SLCO1C1: variants seen among roughly 807,000 people sequenced by gnomAD.
SLCO1C1 encodes the protein solute carrier organic anion transporter family member 1C1.
In SLCO1C1, 70 loss-of-function variants were observed where a neutral mutation model predicts 76.4. The ratio of observed to expected loss-of-function variants is 0.92; its 90% CI spans 0.76 to 1.12. SLCO1C1 has a LOEUF of 1.12. Ranked by LOEUF, SLCO1C1 falls within the 50% of genes most tolerant of loss-of-function variation. The pLI is 0.00. For synonymous variants in SLCO1C1, 306 were observed against 286.1 expected (o/e 1.07, Z -0.70); for missense variants, 912 against 823.8 (o/e 1.11, Z -1.31).
chr12:20,738,075 GTC>G (rs1371668776), intron 11 of SLCO1C1, among the ~76,000 whole-genome samples: 1 of 151,934 alleles, frequency 6.6e-6, no homozygotes, highest in Non-Finnish European at 1.5e-5. Context: ...CAGGTCTCCT[GTC>G]TCTTCTTATA....
intron 13 of SLCO1C1, among the ~76,000 whole-genome samples, chr12:20,746,006 A>T (rs1293286450): frequency 6.6e-6 from 1 of 152,156 alleles, no homozygotes; most frequent in Non-Finnish European, 1.5e-5. Flanking sequence ...TGTGATATCT[A>T]AATATAATCT....
chr12:20,733,583 T>G (rs1249270021), intron 10 of SLCO1C1, among the ~76,000 whole-genome samples: 1 of 152,202 alleles, frequency 6.6e-6, no homozygotes, highest in Non-Finnish European at 1.5e-5. Flanking sequence ...ATGGAAACAA[T>G]TGTTTTCTTC....
chr12:20,746,883 TA>T (rs1949072162), intron 13 of SLCO1C1, among the ~76,000 whole-genome samples: 1 of 151,950 alleles, frequency 6.6e-6, no homozygotes, highest in Admixed American at 6.6e-5. Context: ...AGTCATCAAC[TA>T]AATACAATGT....
rs1013283040 is a variant in SLCO1C1 at position 20,737,055 on chromosome 12, C to T, written c.1383-52C>T. The T allele has an allele frequency of 7.2e-5, 99 of 1,370,426 alleles. 1 individual carries two copies. Among genetic ancestry groups the T allele is most frequent in the Middle Eastern group, 1.9e-4 (1 of 5,270 alleles). The allele number at this position is 1,370,426 out of a possible 1,614,324, so 84.9% of individuals were successfully genotyped here. On this transcript the variant is annotated intron_variant, in intron 10 of 14. Transcript: ENST00000266509. ...AGAACATTGATTTTTTGAAAATATT[C>T]GGGTGCTACCTGCTAAGAGGTAATA...
rs1041020324 is a variant in SLCO1C1 at position 20,721,992 on chromosome 12, C to A, written c.964C>A (p.His322Asn). Residue 322 changes from histidine to asparagine, a missense_variant, in exon 8 of 15, where the codon CAC becomes AAC. By Grantham distance (68) the His-to-Asn change is moderately conservative. Transcript: ENST00000266509. ...SEKSKFIIDD[H>N]TDYQTPQGEN... ...GAAATCCAAGTTTATTATAGATGAT[C>A]ACACAGACTACCAAACACCCCAGGG... 1.2e-6 allele frequency: 2 copies of A among 1,613,920 alleles called. No individual in the cohort carries two copies. Among genetic ancestry groups the A allele is most frequent in the South Asian group, 1.1e-5 (1 of 91,066 alleles).
intron 9 of SLCO1C1, among the ~76,000 whole-genome samples, chr12:20,731,211 AC>A (rs1401245542): frequency 1.3e-5 from 2 of 152,000 alleles, no homozygotes; most frequent in African/African-American, 2.4e-5. Flanking sequence ...TATGCAAACC[AC>A]CCCCAGCCTT....
intron 7 of SLCO1C1, among the ~76,000 whole-genome samples, chr12:20,718,696 G>C (rs1490665918): frequency 1.3e-5 from 2 of 152,130 alleles, no homozygotes; most frequent in African/African-American, 2.4e-5. Flanking sequence ...AACGAAAGTG[G>C]TGCTGATATA....
intron 9 of SLCO1C1, among the ~76,000 whole-genome samples, chr12:20,725,967 A>G (rs971254545): frequency 6.6e-6 from 1 of 152,118 alleles, no homozygotes; most frequent in African/African-American, 2.4e-5. Flanking sequence ...AAGTAATAGT[A>G]TCTAACAATT....
At chr12:20,706,227 C>T in intron 4 of SLCO1C1, 146 bp downstream of exon 4, 1 of 1,066,058 alleles carries the variant, frequency 9.4e-7, no homozygotes. Context: ...TAAAATTTCA[C>T]AACAATTTTA....
At position 20,699,802 on chromosome 12, in the gene SLCO1C1, TAA is replaced by T. The variant is rs34457843; in HGVS notation, c.129+109_129+110del. The T allele has an allele frequency of 3.2e-3, 3,287 of 1,021,348 alleles. 1 individual carries two copies. Among genetic ancestry groups the T allele is most frequent in the South Asian group, 4.7e-3 (176 of 37,198 alleles). The allele number at this position is 1,021,348 out of a possible 1,614,324, so 63.3% of individuals were successfully genotyped here. ...TTAGAATGAGAATTGTTTTCTCCTT[TAA>T]AAAAAAAAAAAGATCTTAGATGCAA... On this transcript the variant is annotated intron_variant, in intron 2 of 14. Transcript: ENST00000266509.
At chr12:20,719,145 T>C (rs1450082670) in intron 7 of SLCO1C1, among the ~76,000 whole-genome samples, 3 of 146,900 alleles carry the variant, frequency 2.0e-5, no homozygotes, top group African/African-American at 8.0e-5. Context: ...TTACCCATTA[T>C]GGAGATCTGT....
At chr12:20,715,332 T>C (rs762662736) in intron 6 of SLCO1C1, 47 bp downstream of exon 6, 2 of 1,600,676 alleles carry the variant, frequency 1.2e-6, no homozygotes, top group African/African-American at 1.3e-5. Flanking sequence ...AAGCAGGGTG[T>C]CTAGTTTTCT....
intron 13 of SLCO1C1, among the ~76,000 whole-genome samples, chr12:20,745,914 T>C (rs2120914605): frequency 6.6e-6 from 1 of 152,242 alleles, no homozygotes; most frequent in South Asian, 2.1e-4. Context: ...AATTTTAAAA[T>C]AATGTGTATT....
Position 20,743,328 on chromosome 12 carries a change from C to A in SLCO1C1, c.1757C>A (p.Ser586Tyr), listed in dbSNP as rs755614770. Residue 586 changes from serine (S) to tyrosine (Y), a missense_variant, in exon 13 of 15, where the codon TCT (serine) becomes TAT (tyrosine). By Grantham distance (144) the Ser-to-Tyr change is moderately radical. Transcript: ENST00000266509. ...LLRCIKPQLK[S>Y]FALGIYTLAI... ...AGGTGCATTAAGCCACAGCTTAAGT[C>A]TTTTGCCTTGGGTATCTACACATTA... The A allele has an allele frequency of 6.2e-7, 1 of 1,613,024 alleles. No individual in the cohort carries two copies. The highest frequency in any genetic ancestry group is 8.5e-7 in the Non-Finnish European group (1 of 1,179,452).
intron 4 of SLCO1C1, among the ~76,000 whole-genome samples, chr12:20,710,296 C>G (rs1003918899): frequency 6.7e-6 from 1 of 149,954 alleles, no homozygotes; most frequent in African/African-American, 2.5e-5. Flanking sequence ...CAAGCTCCGC[C>G]TCCCGGGTTC....
chr12:20,745,781 C>T (rs1949016506), intron 13 of SLCO1C1, among the ~76,000 whole-genome samples: 1 of 151,336 alleles, frequency 6.6e-6, no homozygotes, highest in African/African-American at 2.4e-5. Context: ...GCTGAGATCA[C>T]ACCACTGCAC....
At chr12:20,705,899 A>G in intron 3 of SLCO1C1, 50 bp from the exon 4 acceptor site, 1 of 1,581,664 alleles carries the variant, frequency 6.3e-7, no homozygotes, top group Non-Finnish European at 8.7e-7. Flanking sequence ...TATGCTGTTG[A>G]CTTCTTTCTA....
At chr12:20,715,038 T>C (rs1188990055) in intron 5 of SLCO1C1, 101 bp from the exon 6 acceptor site, 1 of 1,427,006 alleles carries the variant, frequency 7.0e-7, no homozygotes, top group Non-Finnish European at 9.5e-7. Context: ...CAAAAACTCC[T>C]GCATTCTAGT....
chr12:20,701,242 T>G, intron 2 of SLCO1C1, 76 bp from the exon 3 acceptor site: 2 of 1,308,036 alleles, frequency 1.5e-6, no homozygotes, highest in Non-Finnish European at 2.0e-6. Context: ...GTTTTGTATT[T>G]GTTTGTCTAT....
Sources: gnomAD v4.1 joint callset for allele counts (sites outside exome capture counted in the v4.1 genomes callset) on GRCh38, gnomAD v4.1.1 for gene constraint, MANE v1.5 for transcripts, NCBI Gene and HGNC (gene_info 2026-07-23, HGNC 2026-07-21) for gene names.